Variants in PAWR observed in about 807,000 individuals in gnomAD.
The protein encoded by PAWR is PRKC apoptosis WT1 regulator protein.
PAWR carries 23 observed loss-of-function variants against 32.0 expected under a neutral mutation model. That is an observed-to-expected ratio of 0.72 (90% CI 0.52 to 1.02). The LOEUF (loss-of-function observed/expected upper bound fraction) is 1.02. Ranked by LOEUF, PAWR falls within the 50% of genes least tolerant of loss-of-function variation. The pLI, the probability that PAWR is intolerant of heterozygous loss-of-function variation, is 0.00. For synonymous variants in PAWR, 226 were observed against 187.1 expected (o/e 1.21, Z -1.70); for missense variants, 457 against 437.7 (o/e 1.04, Z -0.39).
At chr12:79,593,556 G>A (rs1440091217) in intron 6 of PAWR, among the ~76,000 whole-genome samples, 1 of 151,530 alleles carries the variant, frequency 6.6e-6, no homozygotes, top group East Asian at 2.0e-4. Context: ...AATAAATCTT[G>A]ATGTAATCAA....
At chr12:79,642,622 A>G (rs1876380274) in intron 2 of PAWR, among the ~76,000 whole-genome samples, 1 of 152,058 alleles carries the variant, frequency 6.6e-6, no homozygotes, top group African/African-American at 2.4e-5. Flanking sequence ...CCTAGTAAGA[A>G]CACCAGTCAT....
chr12:79,664,499 G>A (rs931225211), intron 2 of PAWR, among the ~76,000 whole-genome samples: 7 of 152,122 alleles, frequency 4.6e-5, no homozygotes, highest in Admixed American at 6.5e-5. Context: ...ACTGTAACAT[G>A]CCCTGAAAGG....
chr12:79,639,862 CTATTCCTATTCCTATTCCT>C (rs1158324905), intron 2 of PAWR, among the ~76,000 whole-genome samples: 4 of 116,608 alleles, frequency 3.4e-5, no homozygotes, highest in Non-Finnish European at 4.9e-5. Flanking sequence ...ATTCCTATTC[CTATTCCTATTCCTATTCCT>C]ATTCCATTCC....
At chr12:79,626,941 A>G (rs558618659) in intron 2 of PAWR, among the ~76,000 whole-genome samples, 3 of 152,344 alleles carry the variant, frequency 2.0e-5, no homozygotes, top group South Asian at 4.1e-4. Context: ...ACGGCTGCAT[A>G]GTATTCCATG....
intron 2 of PAWR, among the ~76,000 whole-genome samples, chr12:79,684,368 T>A (rs1592559216): frequency 6.6e-6 from 1 of 152,110 alleles, no homozygotes; most frequent in Non-Finnish European, 1.5e-5. Context: ...CCAAGCACTT[T>A]GGGAGGCTGA....
At chr12:79,593,700 G>GATTTT (rs1278954828) in intron 6 of PAWR, among the ~76,000 whole-genome samples, 1 of 145,252 alleles carries the variant, frequency 6.9e-6, no homozygotes, top group Non-Finnish European at 1.5e-5. Context: ...CCAATTTTAG[G>GATTTT]GTTTTTTTTT....
intron 2 of PAWR, among the ~76,000 whole-genome samples, chr12:79,654,100 G>A (rs1876983093): frequency 6.6e-6 from 1 of 152,124 alleles, no homozygotes; most frequent in African/African-American, 2.4e-5. Context: ...ACATGAGAGA[G>A]GAAGATAAAA....
At chr12:79,682,221 G>A (rs192378176) in intron 2 of PAWR, among the ~76,000 whole-genome samples, 3 of 152,124 alleles carry the variant, frequency 2.0e-5, no homozygotes, top group East Asian at 1.9e-4. Flanking sequence ...GAGCAGTCAC[G>A]GCTCACTGCA....
chr12:79,615,888 T>C (rs1874707482), intron 3 of PAWR, among the ~76,000 whole-genome samples: 1 of 151,788 alleles, frequency 6.6e-6, no homozygotes, highest in South Asian at 2.1e-4. Flanking sequence ...GAAACTCTTA[T>C]CTCTACATAA....
intron 2 of PAWR, among the ~76,000 whole-genome samples, chr12:79,684,854 C>T (rs1205617601): frequency 1.3e-5 from 2 of 152,130 alleles, no homozygotes; most frequent in African/African-American, 4.8e-5. Context: ...ACTAGGTATA[C>T]AGTATGTAAT....
chr12:79,686,993 C>G (rs1878711164), intron 2 of PAWR, among the ~76,000 whole-genome samples: 1 of 152,132 alleles, frequency 6.6e-6, no homozygotes. Context: ...GTATGTAATA[C>G]ACATTTGACT....
chr12:79,647,249 A>G (rs1876622227), intron 2 of PAWR, among the ~76,000 whole-genome samples: 1 of 152,092 alleles, frequency 6.6e-6, no homozygotes, highest in Non-Finnish European at 1.5e-5. Flanking sequence ...ATACTACTGC[A>G]GAGATAATTA....
At chr12:79,615,994 T>C (rs1424578980) in intron 3 of PAWR, among the ~76,000 whole-genome samples, 1 of 150,452 alleles carries the variant, frequency 6.6e-6, no homozygotes, top group Non-Finnish European at 1.5e-5. Flanking sequence ...GAGGCAGAGG[T>C]TGCAGTGAGC....
chr12:79,651,663 C>A (rs1012086211), intron 2 of PAWR, among the ~76,000 whole-genome samples: 4 of 135,176 alleles, frequency 3.0e-5, no homozygotes, highest in Admixed American at 9.7e-5. Flanking sequence ...ATTGCTCGAG[C>A]CTAGGAGTTC....
chr12:79,641,535 A>G (rs1348442168), intron 2 of PAWR, among the ~76,000 whole-genome samples: 1 of 152,130 alleles, frequency 6.6e-6, no homozygotes, highest in Non-Finnish European at 1.5e-5. Flanking sequence ...TATTTTATAG[A>G]ATATTAACAG....
chr12:79,676,658 C>T (rs1422898290), intron 2 of PAWR, among the ~76,000 whole-genome samples: 1 of 152,136 alleles, frequency 6.6e-6, no homozygotes, highest in Non-Finnish European at 1.5e-5. Flanking sequence ...TCTCCTGTAG[C>T]CGGATACATC....
chr12:79,593,503 T>TA (rs901785926), intron 6 of PAWR, among the ~76,000 whole-genome samples: 1 of 151,760 alleles, frequency 6.6e-6, no homozygotes, highest in African/African-American at 2.4e-5. Context: ...TCTTTACTGT[T>TA]AAAAAAGCAG....
chr12:79,687,673 G>C (rs918246461), intron 2 of PAWR, among the ~76,000 whole-genome samples: 6 of 151,942 alleles, frequency 3.9e-5, no homozygotes, highest in Non-Finnish European at 8.8e-5. Flanking sequence ...CACAGCAACT[G>C]GTATTCTCAA....
rs749800681 is a variant in PAWR at position 79,619,968 on chromosome 12, C to T, written c.648+1108G>A. 2.6e-5 allele frequency among the ~76,000 whole-genome samples: 4 copies of T among 152,198 alleles called. No individual in the cohort carries two copies. In the South Asian group the frequency reaches 8.3e-4, roughly 32 times the overall value. ...TACAGTGGCAGATCAGAACTTCTAACGTATAAACAAGTATAACAGCATAGG... is the reference window on the plus strand; with the variant it reads ...TACAGTGGCAGATCAGAACTTCTAATGTATAAACAAGTATAACAGCATAGG... On this transcript the variant is annotated intron_variant, in intron 3 of 6. Coordinates refer to ENST00000328827, the MANE Select transcript of PAWR (RefSeq NM_002583.4).
Sources: allele counts gnomAD v4.1 joint callset (sites outside exome capture counted in the v4.1 genomes callset), GRCh38; gene constraint gnomAD v4.1.1; transcripts MANE v1.5; gene names NCBI Gene and HGNC (gene_info 2026-07-23, HGNC 2026-07-21).